Variants in ANKS1B observed in about 807,000 individuals in gnomAD.
The protein encoded by ANKS1B is ankyrin repeat and sterile alpha motif domain containing 1B.
A neutral mutation model predicts 148.3 loss-of-function variants in ANKS1B; 36 were observed. The ratio of observed to expected loss-of-function variants is 0.24; its 90% confidence interval spans 0.19 to 0.32. The LOEUF (loss-of-function observed/expected upper bound fraction) is 0.32, where lower values mean the gene tolerates loss of function less well. Among genes scored for constraint, ANKS1B ranks in the 10% least tolerant of loss-of-function variants. The pLI, the probability that ANKS1B is intolerant of heterozygous loss-of-function variation, is 1.00. For missense variants in ANKS1B, 1,157 were observed against 1,542.6 expected (o/e 0.75, Z 4.19); for synonymous variants, 542 against 560.8 (o/e 0.97, Z 0.47).
chr12:99,394,433 A>G (rs2094176821), intron 12 of ANKS1B, among the ~76,000 whole-genome samples: 1 of 151,954 alleles, frequency 6.6e-6, no homozygotes, highest in Non-Finnish European at 1.5e-5. Flanking sequence ...GTCTATCATT[A>G]CTCTAAGTCC....
intron 9 of ANKS1B, among the ~76,000 whole-genome samples, chr12:99,522,247 G>A (rs1016490439): frequency 1.3e-5 from 2 of 152,108 alleles, no homozygotes; most frequent in African/African-American, 4.8e-5. Flanking sequence ...CCAAGAGATT[G>A]ATGTCCAGTC....
At chr12:99,437,373 CAGATGATAGTA>C (rs1367932031) in intron 11 of ANKS1B, among the ~76,000 whole-genome samples, 1 of 151,932 alleles carries the variant, frequency 6.6e-6, no homozygotes, top group East Asian at 1.9e-4. Flanking sequence ...CACAAATATT[CAGATGATAGTA>C]CAGAATTTCA....
At chr12:98,907,465 C>T (rs1425779736) in intron 17 of ANKS1B, among the ~76,000 whole-genome samples, 3 of 152,154 alleles carry the variant, frequency 2.0e-5, no homozygotes, top group Non-Finnish European at 4.4e-5. Context: ...CCCACTCCAC[C>T]CCCTTACCCC....
intron 9 of ANKS1B, among the ~76,000 whole-genome samples, chr12:99,653,879 G>C (rs1177067137): frequency 6.6e-6 from 1 of 151,828 alleles, no homozygotes; most frequent in Non-Finnish European, 1.5e-5. Flanking sequence ...GCCCAGGCTG[G>C]TCTTGAACTT....
chr12:99,217,719 T>C (rs2084439370), intron 14 of ANKS1B, among the ~76,000 whole-genome samples: 2 of 152,162 alleles, frequency 1.3e-5, no homozygotes, highest in African/African-American at 4.8e-5. Context: ...TGAGCTGAAA[T>C]AACTAGAAGA....
intron 1 of ANKS1B, among the ~76,000 whole-genome samples, chr12:99,861,568 A>G (rs1445576918): frequency 6.6e-6 from 1 of 152,154 alleles, no homozygotes; most frequent in South Asian, 2.1e-4. Context: ...TTTTCAGATT[A>G]TATTTGGGAA....
chr12:99,312,383 G>T (rs1411558936), intron 12 of ANKS1B, among the ~76,000 whole-genome samples: 2 of 152,138 alleles, frequency 1.3e-5, no homozygotes, highest in Non-Finnish European at 1.5e-5. Context: ...GGAACAAGAA[G>T]ACCTATACAG....
chr12:99,375,941 A>G (rs1201604807), intron 12 of ANKS1B, among the ~76,000 whole-genome samples: 1 of 152,268 alleles, frequency 6.6e-6, no homozygotes, highest in Non-Finnish European at 1.5e-5. Flanking sequence ...AAGAAAATGA[A>G]GAACTAGAAC....
At chr12:98,862,776 A>C (rs1420465219) in intron 17 of ANKS1B, among the ~76,000 whole-genome samples, 1 of 152,198 alleles carries the variant, frequency 6.6e-6, no homozygotes, top group East Asian at 1.9e-4. Flanking sequence ...CACATGCCCC[A>C]TAAAAAAGCT....
chr12:99,319,186 G>A (rs142333402), intron 12 of ANKS1B, among the ~76,000 whole-genome samples: 2,050 of 152,244 alleles, frequency 0.013, 35 homozygotes, highest in African/African-American at 0.047. Context: ...ATGTCTGTTA[G>A]GTCCACTTGG....
intron 1 of ANKS1B, among the ~76,000 whole-genome samples, chr12:99,975,231 G>C (rs2095611836): frequency 6.6e-6 from 1 of 152,214 alleles, no homozygotes; most frequent in Non-Finnish European, 1.5e-5. Flanking sequence ...TGTTCTGCCA[G>C]AAGAGGTCGA....
At chr12:98,949,228 A>C (rs2099850428) in intron 17 of ANKS1B, among the ~76,000 whole-genome samples, 1 of 152,046 alleles carries the variant, frequency 6.6e-6, no homozygotes, top group Non-Finnish European at 1.5e-5. Context: ...CTGGGATTAC[A>C]GGCACGAGCC....
At chr12:99,265,030 C>G (rs2076302678) in intron 12 of ANKS1B, among the ~76,000 whole-genome samples, 1 of 152,090 alleles carries the variant, frequency 6.6e-6, no homozygotes, top group African/African-American at 2.4e-5. Flanking sequence ...AACCACTAAC[C>G]ACACATGATT....
intron 12 of ANKS1B, among the ~76,000 whole-genome samples, chr12:99,393,779 G>T: frequency 6.6e-6 from 1 of 152,084 alleles, no homozygotes; most frequent in East Asian, 1.9e-4. Context: ...GGAATCTCCA[G>T]TCCTAAGATC....
rs2153500803 is a variant in ANKS1B at position 99,689,643 on chromosome 12, C to A, written c.1129-34433G>T. On this transcript the variant is annotated intron_variant, in intron 8 of 26. Coordinates refer to ENST00000683438, the MANE Select transcript of ANKS1B (RefSeq NM_001352186.2). ...TCAGGTAAGGATCAGGTCTGCTCAC[C>A]TGAGGTCAGAAAAATTCATCTGCTG... 1.3e-5 allele frequency among the ~76,000 whole-genome samples: 2 copies of A among 152,268 alleles called. 1 individual carries two copies. Among genetic ancestry groups the A allele is most frequent in the Admixed American group, 1.3e-4 (2 of 15,286 alleles).
intron 1 of ANKS1B, among the ~76,000 whole-genome samples, chr12:99,933,976 TC>T (rs907058876): frequency 2.0e-4 from 31 of 152,238 alleles, no homozygotes; most frequent in African/African-American, 7.5e-4. Flanking sequence ...AAATGTTTTT[TC>T]AGTATCAAAT....
intron 9 of ANKS1B, among the ~76,000 whole-genome samples, chr12:99,594,901 T>C (rs2097742419): frequency 6.6e-6 from 1 of 151,886 alleles, no homozygotes; most frequent in African/African-American, 2.4e-5. Flanking sequence ...AAAATTATGG[T>C]TCATAGAACT....
At chr12:99,339,556 AGGTGGG>A (rs2089553987) in intron 12 of ANKS1B, among the ~76,000 whole-genome samples, 1 of 152,128 alleles carries the variant, frequency 6.6e-6, no homozygotes, top group Non-Finnish European at 1.5e-5. Context: ...GGTGTTCCTG[AGGTGGG>A]GGAGTACAAT....
At chr12:99,326,993 A>G (rs973144330) in intron 12 of ANKS1B, among the ~76,000 whole-genome samples, 2 of 140,370 alleles carry the variant, frequency 1.4e-5, no homozygotes, top group African/African-American at 2.7e-5. Context: ...TATATATAAT[A>G]TATAATACAT....
Sources: gnomAD v4.1 joint callset for allele counts (sites outside exome capture counted in the v4.1 genomes callset) on GRCh38, gnomAD v4.1.1 for gene constraint, MANE v1.5 for transcripts, NCBI Gene and HGNC (gene_info 2026-07-23, HGNC 2026-07-21) for gene names.